FAM83D: variants seen among roughly 807,000 people sequenced by gnomAD.
The protein encoded by FAM83D is scaffolding CK1 anchoring protein D, also known as protein FAM83D.
Under a neutral mutation model 25.4 loss-of-function variants are expected in FAM83D, and 26 were observed. That is an observed-to-expected ratio of 1.02 (90% CI 0.75 to 1.42). FAM83D has a LOEUF of 1.42. Ranked by LOEUF, FAM83D falls within the 40% of genes most tolerant of loss-of-function variation. The pLI, the probability that FAM83D is intolerant of heterozygous loss-of-function variation, is 0.00. For synonymous variants in FAM83D, 310 were observed against 318.5 expected, an observed-to-expected ratio of 0.97 and a Z score of 0.28; for missense variants, 740 against 758.1, an observed-to-expected ratio of 0.98 and a Z score of 0.28.
intron 1 of FAM83D, among the ~76,000 whole-genome samples, chr20:38,932,689 G>T (rs1215138909): frequency 1.3e-5 from 2 of 152,226 alleles, no homozygotes; most frequent in African/African-American, 4.8e-5. Context: ...GCCTGGAAGG[G>T]CTACATAGCC....
intron 1 of FAM83D, among the ~76,000 whole-genome samples, chr20:38,930,317 T>G (rs1346705799): frequency 1.3e-5 from 2 of 152,180 alleles, no homozygotes; most frequent in Non-Finnish European, 2.9e-5. Flanking sequence ...AATTACCTCA[T>G]TTAACCCTCC....
chr20:38,944,261 C>A (rs2145806022), intron 2 of FAM83D, among the ~76,000 whole-genome samples: 1 of 152,308 alleles, frequency 6.6e-6, no homozygotes, highest in East Asian at 1.9e-4. Flanking sequence ...GATTCTCCCA[C>A]AGAGTTCTTG....
chr20:38,937,898 C>T (rs1180444871), intron 1 of FAM83D, among the ~76,000 whole-genome samples: 1 of 151,964 alleles, frequency 6.6e-6, no homozygotes, highest in African/African-American at 2.4e-5. Context: ...GCGGAGGTTG[C>T]AGTGAGCCGA....
intron 1 of FAM83D, among the ~76,000 whole-genome samples, chr20:38,941,448 T>A (rs556158187): frequency 1.3e-5 from 2 of 152,294 alleles, no homozygotes; most frequent in South Asian, 2.1e-4. Context: ...GACAATAATT[T>A]AAAAAATAGA....
At position 38,931,742 on chromosome 20, in the gene FAM83D, G is replaced by A. The variant is rs373825230; in HGVS notation, c.483+4817G>A. On this transcript the variant is annotated intron_variant, in intron 1 of 3. Transcript: ENST00000619850. ...CCTAATCCTGGCTTTGCAGCCTGAA[G>A]CGCTGGTTCTGGGATAGGTTTTATC... 1.9e-4 allele frequency among the ~76,000 whole-genome samples: 29 copies of A among 152,358 alleles called. No individual in the cohort carries two copies. The South Asian group carries it at 5.4e-3, about 28-fold the overall frequency.
At chr20:38,927,844 C>G (rs1487098521) in intron 1 of FAM83D, among the ~76,000 whole-genome samples, 1 of 152,088 alleles carries the variant, frequency 6.6e-6, no homozygotes, top group Admixed American at 6.5e-5. Context: ...GAAACTGGGG[C>G]AAGGGGTTTG....
At chr20:38,931,847 T>C (rs1378566092) in intron 1 of FAM83D, among the ~76,000 whole-genome samples, 2 of 152,212 alleles carry the variant, frequency 1.3e-5, no homozygotes, top group Non-Finnish European at 2.9e-5. Flanking sequence ...AGGGGCCTAT[T>C]ATGTGCACCT....
chr20:38,931,317 C>G (rs1241046192), intron 1 of FAM83D, among the ~76,000 whole-genome samples: 1 of 152,204 alleles, frequency 6.6e-6, no homozygotes, highest in African/African-American at 2.4e-5. Context: ...CTCCTCAACC[C>G]ATCAAGTGGG....
In FAM83D at chr20:38,951,538, G is replaced by T; in HGVS notation, c.777-1G>T. 6.2e-7 allele frequency: 1 copy of T among 1,607,904 alleles called. No individual in the cohort carries two copies. The highest frequency in any genetic ancestry group is 8.5e-7 in the Non-Finnish European group (1 of 1,176,848). The stretch of plus-strand genomic sequence containing the variant: ...CTGTTTGTTTCTTTTTAATCTTTAA[G>T]TTTTACATGGACGGATGGCAAATTA... On this transcript the variant is annotated splice_acceptor_variant, in intron 3 of 3. Coordinates refer to ENST00000619850, the MANE Select transcript of FAM83D (RefSeq NM_030919.3). LOFTEE classifies it high-confidence loss of function.
intron 3 of FAM83D, among the ~76,000 whole-genome samples, chr20:38,948,489 G>C (rs762076362): frequency 3.9e-5 from 6 of 152,198 alleles, no homozygotes; most frequent in Non-Finnish European, 8.8e-5. Flanking sequence ...CTTTAGTCTA[G>C]AAAATACTGA....
intron 1 of FAM83D, among the ~76,000 whole-genome samples, chr20:38,940,508 A>C (rs1279541590): frequency 3.0e-4 from 45 of 152,202 alleles, no homozygotes; most frequent in Admixed American, 2.9e-3. Context: ...GAAACCCATA[A>C]ATGAATAATC....
chr20:38,941,951 A>T lies in FAM83D; in HGVS notation c.484-8A>T. 2 of 1,613,532 alleles carry T rather than the reference A, an allele frequency of 1.2e-6. No homozygotes were observed. The highest frequency in any genetic ancestry group is 1.7e-6 in the Non-Finnish European group (2 of 1,179,990). ...CTTATCATGTGCTCTTCCCTGTTTC[A>T]CCTGTAGGTGATTGCAGTGGTCATG... On this transcript the variant is annotated splice_polypyrimidine_tract_variant and splice_region_variant and intron_variant, in intron 1 of 3. Transcript: ENST00000619850.
chr20:38,938,455 G>T (rs1386190514), intron 1 of FAM83D, among the ~76,000 whole-genome samples: 1 of 152,238 alleles, frequency 6.6e-6, no homozygotes, highest in Non-Finnish European at 1.5e-5. Context: ...ACACCTGCCT[G>T]CCTCGATTGG....
intron 1 of FAM83D, among the ~76,000 whole-genome samples, chr20:38,932,216 T>G (rs937376494): frequency 6.6e-6 from 1 of 152,030 alleles, no homozygotes. Context: ...CGAGATCCCA[T>G]CTCTACAAAA....
Position 38,926,423 on chromosome 20 carries a change from T to C in FAM83D, c.-20T>C. 6.3e-7 allele frequency: 1 copy of C among 1,597,434 alleles called. No individual in the cohort carries two copies. Among genetic ancestry groups the C allele is most frequent in the Non-Finnish European group, 8.5e-7 (1 of 1,178,456 alleles). ...TGCACGCCGGTTTTTGTCCGAGGGC[T>C]GTCGAGTCCGAGCGCCGCCATGGCT... On this transcript the variant is annotated 5_prime_UTR_variant, in exon 1 of 4. Coordinates refer to ENST00000619850, the MANE Select transcript of FAM83D (RefSeq NM_030919.3).
At chr20:38,945,142 T>G (rs2085721441) in intron 2 of FAM83D, among the ~76,000 whole-genome samples, 1 of 152,096 alleles carries the variant, frequency 6.6e-6, no homozygotes, top group South Asian at 2.1e-4. Flanking sequence ...GTGCTGTCTG[T>G]AGGAACTTGG....
intron 1 of FAM83D, among the ~76,000 whole-genome samples, chr20:38,931,838 G>C (rs1015434288): frequency 1.3e-5 from 2 of 152,246 alleles, no homozygotes; most frequent in Non-Finnish European, 2.9e-5. Flanking sequence ...AAATACTGTA[G>C]GGGCCTATTA....
chr20:38,927,704 G>T (rs1224651781), intron 1 of FAM83D, among the ~76,000 whole-genome samples: 1 of 151,802 alleles, frequency 6.6e-6, no homozygotes, highest in Non-Finnish European at 1.5e-5. Flanking sequence ...TCTCCATGTT[G>T]GCCAAGCTGG....
intron 2 of FAM83D, among the ~76,000 whole-genome samples, chr20:38,945,677 A>G (rs1217949900): frequency 6.6e-6 from 1 of 150,850 alleles, no homozygotes; most frequent in Non-Finnish European, 1.5e-5. Context: ...CCTTCATGTG[A>G]TTTAATCTGG....
Sources: gnomAD v4.1 joint callset for allele counts (sites outside exome capture counted in the v4.1 genomes callset) on GRCh38, gnomAD v4.1.1 for gene constraint, MANE v1.5 for transcripts, NCBI Gene and HGNC (gene_info 2026-07-23, HGNC 2026-07-21) for gene names.